The following MYO10 variants were observed in gnomAD, a reference collection of about 807,000 sequenced individuals.
MYO10 encodes myosin X, also known as unconventional myosin-X.
A neutral mutation model predicts 257.3 loss-of-function variants in MYO10; 133 were observed. The observed-to-expected ratio is 0.52, with a 90% CI of 0.45 to 0.60. The LOEUF (loss-of-function observed/expected upper bound fraction) is 0.60. Among genes scored for constraint, MYO10 ranks in the 20% least tolerant of loss-of-function variants. The pLI is 0.00. For missense variants in MYO10, 2,399 were observed against 2,635.7 expected (o/e 0.91, Z 1.97); for synonymous variants, 1,104 against 1,028.6 (o/e 1.07, Z -1.40).
At chr5:16,855,515 A>T (rs1007261035) in intron 2 of MYO10, among the ~76,000 whole-genome samples, 2 of 152,248 alleles carry the variant, frequency 1.3e-5, no homozygotes, top group South Asian at 4.1e-4. Flanking sequence ...GAAAAAAATA[A>T]ATGCTAAAGT....
chr5:16,793,986 G>A (rs1439243729), intron 4 of MYO10, among the ~76,000 whole-genome samples: 3 of 151,792 alleles, frequency 2.0e-5, no homozygotes, highest in African/African-American at 7.2e-5. Context: ...AGTAATAAAG[G>A]AGCTGATATT....
chr5:16,696,271 A>G (rs1737742343), intron 26 of MYO10, among the ~76,000 whole-genome samples: 2 of 152,184 alleles, frequency 1.3e-5, no homozygotes, highest in Admixed American at 1.3e-4. Context: ...TTAATGCTAT[A>G]ATTTCCTAAT....
intron 26 of MYO10, among the ~76,000 whole-genome samples, chr5:16,698,311 T>A (rs1336403042): frequency 6.6e-6 from 1 of 152,132 alleles, no homozygotes; most frequent in Non-Finnish European, 1.5e-5. Flanking sequence ...CAGTGAGCCA[T>A]GACCACACCA....
At chr5:16,681,654 GACT>G (rs1403668293) in intron 31 of MYO10, among the ~76,000 whole-genome samples, 151 bp from the exon 32 acceptor site, 1 of 152,188 alleles carries the variant, frequency 6.6e-6, no homozygotes, top group Non-Finnish European at 1.5e-5. Flanking sequence ...TAAATGGAAC[GACT>G]ACATGAAAGA....
intron 1 of MYO10, among the ~76,000 whole-genome samples, chr5:16,921,149 T>TAAAAC (rs1467432155): frequency 7.3e-5 from 11 of 151,382 alleles, no homozygotes; most frequent in African/African-American, 2.7e-4. Context: ...TAAAATAAAA[T>TAAAAC]AAAATAAACG....
At chr5:16,899,085 A>G (rs1745302840) in intron 1 of MYO10, among the ~76,000 whole-genome samples, 1 of 148,960 alleles carries the variant, frequency 6.7e-6, no homozygotes, top group African/African-American at 2.5e-5. Context: ...CAGTGAGCCG[A>G]GATCATGCCG....
At chr5:16,746,280 C>T (rs73053015) in intron 19 of MYO10, among the ~76,000 whole-genome samples, 94 of 152,220 alleles carry the variant, frequency 6.2e-4, no homozygotes, top group African/African-American at 2.2e-3. Context: ...TCAGTTTTGG[C>T]CACCTTCTTT....
At chr5:16,723,806 G>A (rs1739250146) in intron 19 of MYO10, among the ~76,000 whole-genome samples, 1 of 152,224 alleles carries the variant, frequency 6.6e-6, no homozygotes, top group Admixed American at 6.5e-5. Flanking sequence ...AAAAGATGCG[G>A]AGGAACCTCA....
At chr5:16,772,360 C>G (rs537975376) in intron 9 of MYO10, among the ~76,000 whole-genome samples, 2 of 152,060 alleles carry the variant, frequency 1.3e-5, no homozygotes, top group East Asian at 3.9e-4. Flanking sequence ...CTCGAACTCC[C>G]GACCTCAGGT....
intron 4 of MYO10, among the ~76,000 whole-genome samples, chr5:16,786,848 G>A (rs1301307226): frequency 6.9e-6 from 1 of 144,680 alleles, no homozygotes; most frequent in Non-Finnish European, 1.5e-5. Flanking sequence ...ACCTGTGGGT[G>A]TAGAACTCTG....
chr5:16,833,402 C>T (rs1375837451), intron 2 of MYO10, among the ~76,000 whole-genome samples: 3 of 151,828 alleles, frequency 2.0e-5, no homozygotes, highest in Admixed American at 6.6e-5. Flanking sequence ...TTAGTAGAGA[C>T]GAGGTTTCAC....
intron 9 of MYO10, among the ~76,000 whole-genome samples, chr5:16,772,226 G>A (rs1038121176): frequency 2.0e-5 from 3 of 151,070 alleles, no homozygotes; most frequent in South Asian, 2.1e-4. Flanking sequence ...TCCGCCTTCC[G>A]GGTTCAAGTG....
At chr5:16,931,257 G>A (rs1254759952) in intron 1 of MYO10, among the ~76,000 whole-genome samples, 1 of 151,998 alleles carries the variant, frequency 6.6e-6, no homozygotes, top group African/African-American at 2.4e-5. Flanking sequence ...GGCAACAAGA[G>A]CAAAATTCCA....
At chr5:16,726,698 A>G (rs1257583575) in intron 19 of MYO10, among the ~76,000 whole-genome samples, 1 of 152,182 alleles carries the variant, frequency 6.6e-6, no homozygotes, top group East Asian at 1.9e-4. Flanking sequence ...TTCCTGGTAC[A>G]TATTTCCTGA....
chr5:16,918,791 G>A (rs1470549490), intron 1 of MYO10, among the ~76,000 whole-genome samples: 7 of 151,994 alleles, frequency 4.6e-5, no homozygotes, highest in Admixed American at 2.0e-4. Context: ...GTGAGCCACC[G>A]CGCCTGGCCC....
At position 16,913,931 on chromosome 5, in the gene MYO10, C is replaced by T. The variant is rs553943941; in HGVS notation, c.21+21857G>A. 1.4e-4 allele frequency among the ~76,000 whole-genome samples: 21 copies of T among 152,152 alleles called. No homozygotes were observed. The East Asian group carries it at 2.7e-3, about 20-fold the overall frequency. On this transcript the variant is annotated intron_variant, in intron 1 of 40. Transcript: ENST00000513610. ...CCAGGAGGAGGAATGACCTGGATCA[C>T]GTGGGATACTACACTCAGCCCCTTT... is the stretch of plus-strand genomic sequence containing the variant.
intron 29 of MYO10, among the ~76,000 whole-genome samples, chr5:16,684,821 T>A (rs1340556059): frequency 6.6e-6 from 1 of 152,094 alleles, no homozygotes; most frequent in Non-Finnish European, 1.5e-5. Context: ...CTGAGGCATG[T>A]GGATTGCCTG....
chr5:16,677,479 T>C (rs1398980846), intron 33 of MYO10, among the ~76,000 whole-genome samples: 2 of 146,430 alleles, frequency 1.4e-5, no homozygotes, highest in African/African-American at 2.5e-5. Flanking sequence ...GCAGTGGCGC[T>C]ATCTTGGCTC....
chr5:16,686,845 A>G (rs921760304), intron 28 of MYO10, among the ~76,000 whole-genome samples: 1 of 151,868 alleles, frequency 6.6e-6, no homozygotes, highest in Non-Finnish European at 1.5e-5. Flanking sequence ...TATTTTTGTT[A>G]TGTATTCCCA....
Sources: gnomAD v4.1 joint callset for allele counts (sites outside exome capture counted in the v4.1 genomes callset) on GRCh38, gnomAD v4.1.1 for gene constraint, MANE v1.5 for transcripts, NCBI Gene and HGNC (gene_info 2026-07-23, HGNC 2026-07-21) for gene names.